The following ZC4H2 variants were observed in gnomAD, a reference collection of about 807,000 sequenced individuals.
ZC4H2 encodes the protein zinc finger C4H2 domain-containing protein.
For synonymous variants in ZC4H2, 84 were observed against 66.3 expected (o/e 1.27, Z -1.30); for missense variants, 137 against 173.9 (o/e 0.79, Z 1.19).
At chrX:64,937,412 G>C (rs973211400) in intron 1 of ZC4H2, among the ~76,000 whole-genome samples, 1 of 111,240 alleles carries the variant, frequency 9.0e-6, no homozygotes, top group East Asian at 2.8e-4. Flanking sequence ...TTCAGGACTT[G>C]AACTCAGCTC....
chrX:64,965,783 A>C (rs972836006), intron 1 of ZC4H2, among the ~76,000 whole-genome samples: 2 of 109,157 alleles, frequency 1.8e-5, no homozygotes, highest in Middle Eastern at 4.6e-3. Flanking sequence ...AAAATATTTA[A>C]GAAAAATTAG....
chrX:65,000,103 A>G (rs758085959), intron 1 of ZC4H2, among the ~76,000 whole-genome samples: 5 of 112,316 alleles, frequency 4.5e-5, no homozygotes, highest in Non-Finnish European at 7.5e-5. Flanking sequence ...TAAGGGATAG[A>G]CTGCTTCCTA....
chrX:64,952,695 C>A (rs1930914994), intron 1 of ZC4H2, among the ~76,000 whole-genome samples: 1 of 110,071 alleles, frequency 9.1e-6, no homozygotes. Flanking sequence ...AAGAACATTC[C>A]ATGCACATGG....
intron 1 of ZC4H2, among the ~76,000 whole-genome samples, chrX:64,970,218 G>A (rs1201872636): frequency 8.9e-6 from 1 of 112,211 alleles, no homozygotes; most frequent in East Asian, 2.8e-4. Flanking sequence ...TGGAAACAAA[G>A]CTACTGTCAG....
chrX:64,961,915 A>G (rs939047410), intron 1 of ZC4H2, among the ~76,000 whole-genome samples: 4 of 111,762 alleles, frequency 3.6e-5, no homozygotes, highest in African/African-American at 1.3e-4. Context: ...AGATTGAAAC[A>G]GTAATTAAAA....
chrX:64,941,788 G>A (rs1199072632), intron 1 of ZC4H2, among the ~76,000 whole-genome samples: 3 of 111,185 alleles, frequency 2.7e-5, no homozygotes, highest in Admixed American at 9.6e-5. Context: ...TGCTGGATTC[G>A]GTTTGCCAGT....
chrX:64,919,257 G>A (rs1330291647), intron 3 of ZC4H2, 53 bp from the exon 4 acceptor site: 3 of 1,186,092 alleles, frequency 2.5e-6, no homozygotes, highest in Non-Finnish European at 2.3e-6. Context: ...TGAGAACCTT[G>A]CTCCTCTTAA....
intron 1 of ZC4H2, among the ~76,000 whole-genome samples, chrX:64,923,721 G>C (rs73512537): frequency 0.083 from 8,904 of 106,886 alleles, 1,024 homozygotes; most frequent in African/African-American, 0.29. Flanking sequence ...TGGGTTAAAA[G>C]GTGGGTGTTA....
At chrX:64,963,144 C>T (rs1376396798) in intron 1 of ZC4H2, among the ~76,000 whole-genome samples, 1 of 111,616 alleles carries the variant, frequency 9.0e-6, no homozygotes, top group African/African-American at 3.2e-5. Flanking sequence ...CATACAGTCA[C>T]TTGATCTTTG....
chrX:65,015,686 C>T (rs746581054), intron 1 of ZC4H2, among the ~76,000 whole-genome samples: 16 of 112,325 alleles, frequency 1.4e-4, no homozygotes, highest in Non-Finnish European at 2.8e-4. Flanking sequence ...ACTTCCTATA[C>T]ATATTTCATT....
At position 64,919,110 on chromosome X, in the gene ZC4H2, G is replaced by A; in HGVS notation, c.493C>T (p.Leu165Phe). The A allele has an allele frequency of 1.7e-6, 2 of 1,203,922 alleles. No individual in the cohort carries two copies. Among genetic ancestry groups the A allele is most frequent in the East Asian group, 3.0e-5 (1 of 33,649 alleles). ...GTATCCTGCTTCCTAGCCACTTGGA[G>A]CTGTTGGGCGGCAGCGGCTGCAGCG... ...LAAAAAAAQQ[L>F]QVARKQDTRQ... is the part of the protein sequence containing the mutation. Residue 165 changes from leucine (L) to phenylalanine (F), a missense_variant, in exon 4 of 5, where the codon CTC (leucine) becomes TTC (phenylalanine). Physicochemically the swap from Leu to Phe is conservative, Grantham distance 22 (BLOSUM62 0). Coordinates refer to ENST00000374839, the MANE Select transcript of ZC4H2 (RefSeq NM_018684.4).
chrX:64,984,441 G>A (rs965105662), intron 1 of ZC4H2, among the ~76,000 whole-genome samples: 3 of 111,686 alleles, frequency 2.7e-5, no homozygotes, highest in African/African-American at 9.8e-5. Context: ...AGGGAATGGG[G>A]AATGCTGTTT....
intron 1 of ZC4H2, among the ~76,000 whole-genome samples, chrX:64,928,841 TCTCCTCCTC>T (rs1165203586): frequency 9.9e-6 from 1 of 100,515 alleles, no homozygotes; most frequent in African/African-American, 3.7e-5. Flanking sequence ...TCCTCCTCCT[TCTCCTCCTC>T]CTCCTTCTCC....
chrX:64,932,623 T>A (rs925449756), intron 1 of ZC4H2, among the ~76,000 whole-genome samples: 14 of 111,631 alleles, frequency 1.3e-4, no homozygotes, highest in Admixed American at 1.1e-3. Context: ...TTTATGAAGC[T>A]TAGTTTTGCT....
intron 1 of ZC4H2, among the ~76,000 whole-genome samples, chrX:64,974,821 A>T (rs1203162596): frequency 1.8e-5 from 2 of 109,021 alleles, no homozygotes; most frequent in Non-Finnish European, 3.8e-5. Flanking sequence ...TTCTCTGGGC[A>T]TGGGGTGGTG....
intron 1 of ZC4H2, among the ~76,000 whole-genome samples, chrX:64,930,291 G>T (rs1929681654): frequency 9.0e-6 from 1 of 111,188 alleles, no homozygotes; most frequent in Admixed American, 9.6e-5. Flanking sequence ...GGTATTCTAG[G>T]CATATGATCA....
chrX:64,932,336 G>A (rs1293470133), intron 1 of ZC4H2, among the ~76,000 whole-genome samples: 2 of 111,326 alleles, frequency 1.8e-5, no homozygotes, highest in Admixed American at 9.6e-5. Flanking sequence ...TCTTTTAAGT[G>A]TAGCGTTGAG....
intron 1 of ZC4H2, among the ~76,000 whole-genome samples, chrX:64,936,661 T>A (rs1230013294): frequency 9.0e-6 from 1 of 111,142 alleles, no homozygotes; most frequent in Non-Finnish European, 1.9e-5. Flanking sequence ...GAATTTCATA[T>A]CCACCCAAAC....
At chrX:64,942,952 A>T (rs1930358001) in intron 1 of ZC4H2, among the ~76,000 whole-genome samples, 1 of 112,205 alleles carries the variant, frequency 8.9e-6, no homozygotes, top group South Asian at 3.7e-4. Flanking sequence ...CCAACAGTGT[A>T]AAAGTGTTCC....
Sources: allele counts gnomAD v4.1 joint callset (sites outside exome capture counted in the v4.1 genomes callset), GRCh38; gene constraint gnomAD v4.1.1; transcripts MANE v1.5; gene names NCBI Gene and HGNC (gene_info 2026-07-23, HGNC 2026-07-21).